Variants in EEFSEC observed in about 807,000 individuals in gnomAD.
EEFSEC encodes selenocysteine-specific elongation factor.
A neutral mutation model predicts 42.1 loss-of-function variants in EEFSEC; 43 were observed. The ratio of observed to expected loss-of-function variants is 1.02; its 90% CI spans 0.80 to 1.32. EEFSEC has a LOEUF of 1.32. Ranked by LOEUF, EEFSEC falls within the 40% of genes most tolerant of loss-of-function variation. EEFSEC has a pLI of 0.00. For missense variants in EEFSEC, 745 were observed against 803.6 expected, an observed-to-expected ratio of 0.93 and a Z score of 0.88; for synonymous variants, 354 against 339.1, an observed-to-expected ratio of 1.04 and a Z score of -0.48.
chr3:128,326,046 G>T (rs1489554995), intron 4 of EEFSEC, among the ~76,000 whole-genome samples: 1 of 152,214 alleles, frequency 6.6e-6, no homozygotes. Context: ...AGAAAGGCTG[G>T]ACCAGTGTGA....
At chr3:128,354,896 ATGGGCCTGC>A (rs2067433104) in intron 5 of EEFSEC, among the ~76,000 whole-genome samples, 1 of 152,162 alleles carries the variant, frequency 6.6e-6, no homozygotes, top group Admixed American at 6.5e-5. Context: ...AGGCTGAGCG[ATGGGCCTGC>A]TGTGTTTAGC....
intron 6 of EEFSEC, among the ~76,000 whole-genome samples, chr3:128,400,360 G>A (rs1404173289): frequency 1.3e-5 from 2 of 152,180 alleles, no homozygotes; most frequent in Non-Finnish European, 2.9e-5. Flanking sequence ...CCTGTTCCTA[G>A]GGCCCAGTAT....
In EEFSEC at chr3:128,312,766, A is replaced by AAG. The variant is rs1226888109; in HGVS notation, c.787-28466_787-28465dup. Among the ~76,000 whole-genome samples, 19 of 152,288 alleles carry AAG rather than the reference A, an allele frequency of 1.2e-4. No individual in the cohort carries two copies. The East Asian group carries it at 1.5e-3, about 12-fold the overall frequency. On this transcript the variant is annotated intron_variant, in intron 4 of 6. Coordinates refer to ENST00000254730, the MANE Select transcript of EEFSEC (RefSeq NM_021937.5). The stretch of plus-strand genomic sequence containing the variant: ...GGGCCAGGCTGTGGGGAGGAGGGAG[A>AAG]AGGCCCTCTGCAATTTTTCTTTTCT...
intron 4 of EEFSEC, among the ~76,000 whole-genome samples, chr3:128,319,001 T>G (rs1043624680): frequency 7.9e-5 from 12 of 152,216 alleles, no homozygotes; most frequent in African/African-American, 2.9e-4. Context: ...GGTCTGAATC[T>G]AGGTTCAGAC....
intron 4 of EEFSEC, among the ~76,000 whole-genome samples, chr3:128,281,739 G>A (rs74715053): frequency 9.9e-5 from 15 of 152,274 alleles, no homozygotes; most frequent in African/African-American, 3.6e-4. Context: ...GACAGATAGG[G>A]GAGGAACCTC....
chr3:128,381,526 C>T (rs1034842008), intron 6 of EEFSEC, among the ~76,000 whole-genome samples: 3 of 152,188 alleles, frequency 2.0e-5, no homozygotes, highest in African/African-American at 4.8e-5. Context: ...GCCTGAACAG[C>T]GCCAGAGCTC....
At chr3:128,229,777 AGAGGATCTGGCAACTT>A (rs1405475337) in intron 1 of EEFSEC, among the ~76,000 whole-genome samples, 1 of 152,202 alleles carries the variant, frequency 6.6e-6, no homozygotes, top group African/African-American at 2.4e-5. Context: ...TTAAAAAATC[AGAGGATCTGGCAACTT>A]GAGGCCTACA....
intron 1 of EEFSEC, among the ~76,000 whole-genome samples, chr3:128,206,452 A>C (rs910881051): frequency 6.6e-6 from 1 of 152,172 alleles, no homozygotes; most frequent in Non-Finnish European, 1.5e-5. Context: ...CTGCTGTGGG[A>C]TTAACTTGGC....
the EEFSEC span, among the ~76,000 whole-genome samples, chr3:128,425,410 G>A: frequency 2.0e-5 from 3 of 152,086 alleles, no homozygotes; most frequent in Admixed American, 6.5e-5. Flanking sequence ...CCTGCGGAAG[G>A]ACACTCGGGC....
chr3:128,173,293 T>C (rs2065317239), intron 1 of EEFSEC, among the ~76,000 whole-genome samples: 1 of 152,188 alleles, frequency 6.6e-6, no homozygotes, highest in Non-Finnish European at 1.5e-5. Context: ...TGTTCCTGCG[T>C]GTGGATTCTG....
chr3:128,240,973 G>C (rs540606288), intron 1 of EEFSEC, among the ~76,000 whole-genome samples: 22 of 152,350 alleles, frequency 1.4e-4, no homozygotes, highest in African/African-American at 4.8e-4. Flanking sequence ...GAGAAGCTGT[G>C]TTCTGAGTTG....
At chr3:128,366,614 A>T (rs2067593319) in intron 6 of EEFSEC, among the ~76,000 whole-genome samples, 1 of 152,174 alleles carries the variant, frequency 6.6e-6, no homozygotes. Context: ...AGTCACTCTG[A>T]CTTTAGCTAG....
At chr3:128,326,323 T>C (rs1284450519) in intron 4 of EEFSEC, among the ~76,000 whole-genome samples, 1 of 152,262 alleles carries the variant, frequency 6.6e-6, no homozygotes, top group East Asian at 1.9e-4. Flanking sequence ...CACACTTTAC[T>C]GCATTGCCCT....
At chr3:128,230,257 T>C (rs1228218916) in intron 1 of EEFSEC, among the ~76,000 whole-genome samples, 1 of 152,082 alleles carries the variant, frequency 6.6e-6, no homozygotes, top group African/African-American at 2.4e-5. Flanking sequence ...AGCCATCCTC[T>C]CCTTCAACCT....
At chr3:128,278,672 A>G (rs2066492691) in intron 4 of EEFSEC, among the ~76,000 whole-genome samples, 1 of 152,236 alleles carries the variant, frequency 6.6e-6, no homozygotes. Context: ...ATCTAAAGTT[A>G]TAATTCCGAT....
At chr3:128,390,767 C>T (rs1377987482) in intron 6 of EEFSEC, among the ~76,000 whole-genome samples, 1 of 152,212 alleles carries the variant, frequency 6.6e-6, no homozygotes, top group Non-Finnish European at 1.5e-5. Flanking sequence ...ACTTTCTGCA[C>T]CACTCGGGCA....
At chr3:128,282,250 G>C (rs544950063) in intron 4 of EEFSEC, among the ~76,000 whole-genome samples, 19 of 152,246 alleles carry the variant, frequency 1.2e-4, no homozygotes, top group Non-Finnish European at 2.4e-4. Flanking sequence ...TGGGTGGCTG[G>C]TCTCTTCCAA....
chr3:128,361,851 G>A lies in EEFSEC; in HGVS notation c.1600+3478G>A, dbSNP rs2067529703. The stretch of plus-strand genomic sequence containing the variant: ...TACTGGGGAATTCTGCTGGTGGTGA[G>A]AGAGTAGTTGGAGGAAGGAGCTGGA... On this transcript the variant is annotated intron_variant, in intron 6 of 6. Transcript: ENST00000254730. Among the ~76,000 whole-genome samples the A allele has an allele frequency of 2.0e-5, 3 of 152,344 alleles. No homozygotes were observed. The South Asian group carries it at 6.2e-4, about 32-fold the overall frequency.
intron 1 of EEFSEC, among the ~76,000 whole-genome samples, chr3:128,229,963 CT>C (rs1553744820): frequency 6.7e-6 from 1 of 149,872 alleles, no homozygotes; most frequent in Non-Finnish European, 1.5e-5. Flanking sequence ...CTTTCCTTTC[CT>C]TTTCCTTTCC....
Sources: allele counts gnomAD v4.1 joint callset (sites outside exome capture counted in the v4.1 genomes callset), GRCh38; gene constraint gnomAD v4.1.1; transcripts MANE v1.5; gene names NCBI Gene and HGNC (gene_info 2026-07-23, HGNC 2026-07-21).